The following NR2F1-AS1 variants were observed in gnomAD, a reference collection of about 807,000 sequenced individuals.
The protein encoded by NR2F1-AS1 is NR2F1 regulatory antisense RNA 1, also known as NR2F1 antisense RNA 1.
chr5:93,419,276 A>G lies in NR2F1-AS1; in HGVS notation n.639-23734T>C, dbSNP rs1749036399. On this transcript the variant is annotated intron_variant and non_coding_transcript_variant, in intron 4 of 5. Transcript: ENST00000660523. ...GAGTGATACCATATTTGGAAAAAAT[A>G]CCACTGTGTATATACAGAAATATAT... Among the ~76,000 whole-genome samples, 3 of 152,250 alleles carry G rather than the reference A, an allele frequency of 2.0e-5. No individual in the cohort carries two copies. The South Asian group carries it at 6.2e-4, about 31-fold the overall frequency.
intron 4 of NR2F1-AS1, among the ~76,000 whole-genome samples, chr5:93,493,406 A>G (rs1750892342): frequency 6.6e-6 from 1 of 152,078 alleles, no homozygotes; most frequent in Non-Finnish European, 1.5e-5. Context: ...AAACTTTAAA[A>G]GACCTAAATA....
At chr5:93,516,331 C>T (rs1286350093) in intron 4 of NR2F1-AS1, among the ~76,000 whole-genome samples, 1 of 151,802 alleles carries the variant, frequency 6.6e-6, no homozygotes, top group Non-Finnish European at 1.5e-5. Flanking sequence ...TGACAACAGA[C>T]AAAACAGTTG....
rs936732641 is a variant in NR2F1-AS1 at position 93,579,807 on chromosome 5, G to A, written n.313+660C>T. Among the ~76,000 whole-genome samples the A allele has an allele frequency of 6.6e-6, 1 of 152,168 alleles. No homozygotes were observed. Among genetic ancestry groups the A allele is most frequent in the Non-Finnish European group, 1.5e-5 (1 of 68,018 alleles). ...GGCAGCGGCGCAGGGAGTCTGGCTC[G>A]GCTGCTAGGCTGCGAATCCCGGTGC... On this transcript the variant is annotated intron_variant and non_coding_transcript_variant, in intron 1 of 5. Transcript: ENST00000660523. The surrounding 1 kb of genome is among the most constrained non-coding windows in gnomAD (Gnocchi z 5.1).
chr5:93,466,931 C>T (rs1750250322), intron 4 of NR2F1-AS1, among the ~76,000 whole-genome samples: 1 of 127,466 alleles, frequency 7.8e-6, no homozygotes, highest in Non-Finnish European at 1.6e-5. Context: ...GACGGAGTCT[C>T]ACTGTGGTGC....
At chr5:93,478,952 T>C (rs930274933) in intron 4 of NR2F1-AS1, among the ~76,000 whole-genome samples, 1 of 152,152 alleles carries the variant, frequency 6.6e-6, no homozygotes. Flanking sequence ...TGGAAGACAG[T>C]AGAGTAGGAT....
At chr5:93,550,017 T>C (rs893858086) in intron 4 of NR2F1-AS1, among the ~76,000 whole-genome samples, 4 of 151,850 alleles carry the variant, frequency 2.6e-5, no homozygotes, top group Non-Finnish European at 5.9e-5. Flanking sequence ...CTAATGTAAA[T>C]GACTGGTTAA....
upstream of NR2F1-AS1, among the ~76,000 whole-genome samples, chr5:93,581,751 TCTCCCTCTCCTCTCTCC>T (rs1753063886): frequency 3.1e-5 from 1 of 32,044 alleles, no homozygotes; most frequent in African/African-American, 1.5e-4. Flanking sequence ...TCCCTCTCCC[TCTCCCTCTCCTCTCTCC>T]CTCTCCCTCT....
At chr5:93,447,151 T>C (rs543236092) in intron 4 of NR2F1-AS1, among the ~76,000 whole-genome samples, 23 of 152,264 alleles carry the variant, frequency 1.5e-4, no homozygotes, top group African/African-American at 5.1e-4. Flanking sequence ...GGGCAAGGAC[T>C]TCATGACTAA....
chr5:93,451,937 C>T (rs1580236158), intron 4 of NR2F1-AS1, among the ~76,000 whole-genome samples: 1 of 152,164 alleles, frequency 6.6e-6, no homozygotes, highest in Admixed American at 6.5e-5. Flanking sequence ...CATGTATTTA[C>T]ATAATTGTAA....
intron 4 of NR2F1-AS1, among the ~76,000 whole-genome samples, chr5:93,445,619 G>C (rs1389334533): frequency 2.0e-5 from 3 of 151,746 alleles, no homozygotes; most frequent in South Asian, 2.1e-4. Flanking sequence ...TCTACCAGAG[G>C]TACAAAGAGG....
intron 1 of NR2F1-AS1, among the ~76,000 whole-genome samples, chr5:93,568,911 A>T (rs1430603537): frequency 6.6e-6 from 1 of 152,226 alleles, no homozygotes; most frequent in Non-Finnish European, 1.5e-5. Flanking sequence ...TACCCTTGAC[A>T]GTGACAAGAG....
At chr5:93,585,551 C>A, upstream of NR2F1-AS1, 1 of 1,370,090 alleles carries the variant, frequency 7.3e-7, no homozygotes, top group Non-Finnish European at 1.0e-6. Flanking sequence ...TTCTTTCTTT[C>A]TCGCCCGGGT....
At chr5:93,473,271 G>C (rs1750408143) in intron 4 of NR2F1-AS1, among the ~76,000 whole-genome samples, 1 of 151,794 alleles carries the variant, frequency 6.6e-6, no homozygotes, top group African/African-American at 2.4e-5. Context: ...GTAAACCAGA[G>C]TTTCTTTCTG....
At chr5:93,488,668 A>C (rs1267184543) in intron 4 of NR2F1-AS1, among the ~76,000 whole-genome samples, 2 of 152,232 alleles carry the variant, frequency 1.3e-5, no homozygotes, top group Non-Finnish European at 2.9e-5. Flanking sequence ...AATTAGTTCA[A>C]CCATTGTGGA....
intron 4 of NR2F1-AS1, among the ~76,000 whole-genome samples, chr5:93,427,717 A>C (rs1749224051): frequency 6.6e-6 from 1 of 152,188 alleles, no homozygotes; most frequent in Non-Finnish European, 1.5e-5. Context: ...GATCCTAAAG[A>C]CTGAAATGAC....
intron 4 of NR2F1-AS1, among the ~76,000 whole-genome samples, chr5:93,533,328 C>A (rs968252821): frequency 6.6e-6 from 1 of 151,864 alleles, no homozygotes; most frequent in African/African-American, 2.4e-5. Context: ...TTTATTTTCA[C>A]GAGTTATTTT....
intron 4 of NR2F1-AS1, among the ~76,000 whole-genome samples, chr5:93,517,219 TTAAAG>T (rs1166758419): frequency 2.6e-5 from 4 of 151,984 alleles, no homozygotes; most frequent in African/African-American, 9.7e-5. Flanking sequence ...TGCTAAGTCT[TTAAAG>T]TACTATACAA....
intron 4 of NR2F1-AS1, among the ~76,000 whole-genome samples, chr5:93,465,752 G>A (rs766952013): frequency 1.3e-5 from 2 of 151,996 alleles, no homozygotes; most frequent in African/African-American, 4.8e-5. Context: ...CCATAAAAAA[G>A]GATGAGTTCA....
intron 4 of NR2F1-AS1, among the ~76,000 whole-genome samples, chr5:93,462,704 G>T (rs1423913148): frequency 2.0e-5 from 3 of 152,158 alleles, no homozygotes; most frequent in African/African-American, 4.8e-5. Context: ...CATGGTCTCA[G>T]ATGGAGATGA....
Sources: gnomAD v4.1 joint callset for allele counts (sites outside exome capture counted in the v4.1 genomes callset) on GRCh38, gnomAD v4.1.1 for gene constraint, Gnocchi (gnomAD v3.1) non-coding constraint, MANE v1.5 for transcripts, NCBI Gene and HGNC (gene_info 2026-07-23, HGNC 2026-07-21) for gene names.